KIF27: variants seen among roughly 807,000 people sequenced by gnomAD.
KIF27 encodes kinesin-like protein KIF27.
Under a neutral mutation model 141.8 loss-of-function variants are expected in KIF27, and 84 were observed. The ratio of observed to expected loss-of-function variants is 0.59; its 90% confidence interval spans 0.50 to 0.71. The LOEUF (loss-of-function observed/expected upper bound fraction) is 0.71. Ranked by LOEUF, KIF27 falls within the 30% of genes least tolerant of loss-of-function variation. The pLI is 0.00. For missense variants in KIF27, 1,306 were observed against 1,628.4 expected, an observed-to-expected ratio of 0.80 and a Z score of 3.41; for synonymous variants, 471 against 569.5, an observed-to-expected ratio of 0.83 and a Z score of 2.46.
chr9:83,848,126 A>T lies in KIF27; in HGVS notation c.3556+1973T>A, dbSNP rs1413291412. 1.1e-4 allele frequency among the ~76,000 whole-genome samples: 6 copies of T among 53,312 alleles called. 3 individuals carry two copies. Among genetic ancestry groups the T allele is most frequent in the African/African-American group, 7.2e-4 (6 of 8,346 alleles). The allele number at this position is 53,312 out of a possible 152,430, so 35.0% of individuals were successfully genotyped here. On this transcript the variant is annotated intron_variant, in intron 16 of 17. Transcript: ENST00000297814. ...TGATATCTCATATCTGATATATCTG[A>T]TATCTCATATATGATATATCTGATA...
At chr9:83,853,210 A>G (rs1948810053) in intron 15 of KIF27, among the ~76,000 whole-genome samples, 1 of 152,078 alleles carries the variant, frequency 6.6e-6, no homozygotes, top group South Asian at 2.1e-4. Context: ...CAACTCATAC[A>G]TGATGAGAAA....
At chr9:83,869,241 G>T (rs1950585757) in intron 12 of KIF27, among the ~76,000 whole-genome samples, 1 of 152,050 alleles carries the variant, frequency 6.6e-6, no homozygotes, top group South Asian at 2.1e-4. Flanking sequence ...GTAAGGTAGA[G>T]ATAATTGCAT....
rs189421590 is a variant in KIF27, at chr9:83,910,588, T to C, written c.299-1936A>G. Among the ~76,000 whole-genome samples, 3 of 152,030 alleles carry C rather than the reference T, an allele frequency of 2.0e-5. No individual in the cohort carries two copies. In the East Asian group the frequency reaches 5.8e-4, roughly 29 times the overall value. On this transcript the variant is annotated intron_variant, in intron 2 of 17. Transcript: ENST00000297814. ...GAAAAGACAGGGACGTAAGCCAGAG[T>C]TGATGGCGACAGAGAATGTGTGCAG...
At chr9:83,848,203 GATATGATATATATGATAT>G (rs1202542338) in intron 16 of KIF27, among the ~76,000 whole-genome samples, 1 of 29,750 alleles carries the variant, frequency 3.4e-5, no homozygotes, top group East Asian at 6.6e-4. Flanking sequence ...TGATATATCA[GATATGATATATATGATAT>G]ATCAGATATG....
intron 3 of KIF27, among the ~76,000 whole-genome samples, chr9:83,904,435 A>G (rs1265627704): frequency 6.6e-6 from 1 of 152,136 alleles, no homozygotes; most frequent in African/African-American, 2.4e-5. Context: ...CAGTGTCACA[A>G]TCTTGGCTCA....
At chr9:83,902,410 T>C (rs564546204) in intron 4 of KIF27, among the ~76,000 whole-genome samples, 16 of 152,294 alleles carry the variant, frequency 1.1e-4, no homozygotes, top group African/African-American at 3.8e-4. Context: ...TCCTCCACTA[T>C]TCCCACGACA....
chr9:83,903,821 G>A lies in KIF27; in HGVS notation c.697C>T (p.Pro233Ser). The A allele has an allele frequency of 6.2e-7, 1 of 1,614,148 alleles. No homozygotes were observed. Among genetic ancestry groups the A allele is most frequent in the Non-Finnish European group, 8.5e-7 (1 of 1,180,036 alleles). ...EAAEDGSWYS[P>S]RHIVSKFHFV... is the part of the protein sequence containing the mutation. The stretch of plus-strand genomic sequence containing the variant: ...TGGAACTTTGAGACAATATGCCGAG[G>A]GGAATACCATGATCCATCTTCAGCT... Residue 233 changes from proline to serine, a missense_variant, in exon 4 of 18, where the codon CCT (proline) becomes TCT (serine). Around this residue, in one of 4 missense-constraint regions of KIF27, gnomAD observed 533 missense variants for 565.6 expected, o/e 0.94. Coordinates refer to ENST00000297814, the MANE Select transcript of KIF27 (RefSeq NM_017576.4).
chr9:83,872,255 G>C (rs967218159), intron 11 of KIF27, among the ~76,000 whole-genome samples: 18 of 152,200 alleles, frequency 1.2e-4, no homozygotes, highest in Non-Finnish European at 2.5e-4. Context: ...GGCAGAGTAC[G>C]GTGAGCTGAG....
intron 12 of KIF27, 75 bp downstream of exon 12, chr9:83,870,444 G>A: frequency 6.3e-7 from 1 of 1,578,756 alleles, no homozygotes; most frequent in South Asian, 1.1e-5. Context: ...TAGGATTACA[G>A]GTGTGAGTTT....
chr9:83,919,956 GCACAGTGGTT>G (rs1419493976), intron 1 of KIF27, among the ~76,000 whole-genome samples: 2 of 151,322 alleles, frequency 1.3e-5, no homozygotes, highest in Non-Finnish European at 2.9e-5. Context: ...ATGGGGCCGG[GCACAGTGGTT>G]CACACCTGTA....
Position 83,839,400 on chromosome 9 carries a change from G to C in KIF27, c.3722-1915C>G, listed in dbSNP as rs1946303720. Reference sequence around the variant, plus strand: ...TAAAAGAAGTAAGGATTCCAACCCAGATCTTTTGACTCTATTATCCTTACA... The same window carrying C: ...TAAAAGAAGTAAGGATTCCAACCCACATCTTTTGACTCTATTATCCTTACA... On this transcript the variant is annotated intron_variant, in intron 17 of 17. Transcript: ENST00000297814. Among the ~76,000 whole-genome samples, 4 of 152,124 alleles carry C rather than the reference G, an allele frequency of 2.6e-5. No homozygotes were observed. The South Asian group carries it at 8.3e-4, about 31-fold the overall frequency.
At chr9:83,865,908 A>C (rs534006178) in intron 13 of KIF27, among the ~76,000 whole-genome samples, 1 of 152,164 alleles carries the variant, frequency 6.6e-6, no homozygotes, top group African/African-American at 2.4e-5. Context: ...AAGAGTTTTC[A>C]TATCTTTTTA....
At chr9:83,917,954 T>C (rs1311814388) in intron 1 of KIF27, among the ~76,000 whole-genome samples, 1 of 152,206 alleles carries the variant, frequency 6.6e-6, no homozygotes, top group Non-Finnish European at 1.5e-5. Flanking sequence ...ATACATTGTA[T>C]ACATGTACTG....
At chr9:83,878,550 C>A (rs1205683856) in intron 11 of KIF27, among the ~76,000 whole-genome samples, 2 of 150,932 alleles carry the variant, frequency 1.3e-5, no homozygotes, top group Admixed American at 6.7e-5. Context: ...CATATCCATA[C>A]AATGGAATAT....
chr9:83,897,945 A>G (rs756067167), intron 5 of KIF27, among the ~76,000 whole-genome samples: 70 of 152,354 alleles, frequency 4.6e-4, no homozygotes, highest in Middle Eastern at 3.4e-3. Context: ...ATTAATAACA[A>G]ATGTTGAGAA....
At chr9:83,912,889 T>C (rs991781751) in intron 2 of KIF27, among the ~76,000 whole-genome samples, 1 of 151,896 alleles carries the variant, frequency 6.6e-6, no homozygotes, top group African/African-American at 2.4e-5. Flanking sequence ...GGCGTGGTGG[T>C]TCACACCTGT....
At chr9:83,887,304 A>G in intron 8 of KIF27, 108 bp from the exon 9 acceptor site, 1 of 674,686 alleles carries the variant, frequency 1.5e-6, no homozygotes, top group East Asian at 3.1e-5. Context: ...GTGGCAGTGG[A>G]AGAGACAAAA....
chr9:83,864,052 T>C (rs1238235844), intron 13 of KIF27, among the ~76,000 whole-genome samples: 1 of 152,182 alleles, frequency 6.6e-6, no homozygotes, highest in Non-Finnish European at 1.5e-5. Context: ...TTGCGTCTAT[T>C]TGATTCTTCT....
intron 2 of KIF27, among the ~76,000 whole-genome samples, chr9:83,909,560 G>T (rs528357848): frequency 1.7e-3 from 261 of 150,072 alleles, no homozygotes; most frequent in African/African-American, 6.2e-3. Context: ...GTTGCAGTGA[G>T]CTGAGACAGT....
Sources: allele counts gnomAD v4.1 joint callset (sites outside exome capture counted in the v4.1 genomes callset), GRCh38; gene constraint gnomAD v4.1.1; regional missense constraint gnomAD v4.1.1; transcripts MANE v1.5; gene names NCBI Gene and HGNC (gene_info 2026-07-23, HGNC 2026-07-21).